The following SRR variants were observed in gnomAD, a reference collection of about 807,000 sequenced individuals.
SRR encodes D-serine ammonia-lyase.
A neutral mutation model predicts 32.7 loss-of-function variants in SRR; 19 were observed. The ratio of observed to expected loss-of-function variants is 0.58; its 90% confidence interval spans 0.40 to 0.85. The LOEUF (loss-of-function observed/expected upper bound fraction) is 0.85, where lower values mean the gene tolerates loss of function less well. Among genes scored for constraint, SRR ranks in the 40% least tolerant of loss-of-function variants. The pLI, the probability that SRR is intolerant of heterozygous loss-of-function variation, is 0.00. For synonymous variants in SRR, 142 were observed against 140.9 expected, an observed-to-expected ratio of 1.01 and a Z score of -0.06; for missense variants, 373 against 404.7, an observed-to-expected ratio of 0.92 and a Z score of 0.67.
intron 3 of SRR, among the ~76,000 whole-genome samples, chr17:2,318,619 A>ATTTT (rs35847724): frequency 2.4e-4 from 22 of 92,508 alleles, no homozygotes; most frequent in African/African-American, 4.7e-4. Flanking sequence ...ATGCCTGGCT[A>ATTTT]TTTTTTTTTT....
At chr17:2,322,678 T>G (rs28572614) in intron 6 of SRR, 1,485 of 22,620 alleles carry the variant, frequency 0.066, 30 homozygotes, top group Middle Eastern at 0.17. Context: ...TTTTTTTTTG[T>G]TTTTTTTTTT....
chr17:2,319,674 G>A (rs191110290), intron 4 of SRR, among the ~76,000 whole-genome samples: 10 of 152,146 alleles, frequency 6.6e-5, no homozygotes, highest in Admixed American at 2.0e-4. Flanking sequence ...TGTGTCTACC[G>A]TTAGCACTCT....
intron 3 of SRR, among the ~76,000 whole-genome samples, chr17:2,318,558 G>A (rs1013549896): frequency 6.9e-6 from 1 of 145,784 alleles, no homozygotes; most frequent in Non-Finnish European, 1.5e-5. Context: ...TCCACCTCCC[G>A]GGTTCACACC....
intron 3 of SRR, among the ~76,000 whole-genome samples, chr17:2,318,207 C>A (rs146394014): frequency 6.6e-6 from 1 of 152,120 alleles, no homozygotes; most frequent in Admixed American, 6.6e-5. Context: ...AGCGGTGACG[C>A]GATCTCGGCT....
At chr17:2,307,484 T>C in intron 1 of SRR, 1 of 1,435,612 alleles carries the variant, frequency 7.0e-7, no homozygotes, top group Non-Finnish European at 9.7e-7. Context: ...GCAGTGGGGA[T>C]GGCTATAATG....
chr17:2,317,352 A>G (rs2075483644), intron 2 of SRR, among the ~76,000 whole-genome samples: 1 of 151,756 alleles, frequency 6.6e-6, no homozygotes, highest in Non-Finnish European at 1.5e-5. Context: ...GCTACTAAAA[A>G]TACAAAAAAA....
intron 1 of SRR, among the ~76,000 whole-genome samples, chr17:2,306,221 CAGG>C (rs1188650438): frequency 6.6e-6 from 1 of 151,560 alleles, no homozygotes; most frequent in Non-Finnish European, 1.5e-5. Context: ...GACGCTCAGG[CAGG>C]AGAACTGCTT....
chr17:2,307,482 GA>G, intron 1 of SRR: 6 of 1,440,780 alleles, frequency 4.2e-6, no homozygotes, highest in Non-Finnish European at 5.8e-6. Context: ...GTGCAGTGGG[GA>G]TGGCTATAAT....
rs968735364 is a variant in SRR at position 2,307,376 on chromosome 17, G to T, written c.-5+3359G>T. ...ACTTCTGGAAACTTTGGTGGTGGTC[G>T]TGGAGGTGGTTTCGGTAGGAATGAC... On this transcript the variant is annotated intron_variant, in intron 1 of 7. Coordinates refer to ENST00000344595, the MANE Select transcript of SRR (RefSeq NM_021947.3). 3.7e-6 allele frequency: 4 copies of T among 1,083,342 alleles called. No homozygotes were observed. The Admixed American group carries it at 5.1e-5, about 14-fold the overall frequency. 67.1% of individuals were successfully genotyped at this position (1,083,342 alleles called of 1,614,324 possible).
intron 2 of SRR, among the ~76,000 whole-genome samples, chr17:2,316,661 GA>G (rs2075475082): frequency 1.3e-5 from 2 of 152,152 alleles, no homozygotes; most frequent in Admixed American, 6.5e-5. Context: ...TGGATCACCT[GA>G]GGTCAGGAGT....
intron 1 of SRR, among the ~76,000 whole-genome samples, chr17:2,313,927 A>G (rs904577237): frequency 6.6e-6 from 1 of 152,126 alleles, no homozygotes; most frequent in African/African-American, 2.4e-5. Context: ...GGCTATTTTC[A>G]TGTTCTTTTT....
At position 2,317,955 on chromosome 17, in the gene SRR, G is replaced by T. The variant is rs1428419950; in HGVS notation, c.254G>T (p.Gly85Val). The change falls in exon 3 of 8, where the codon GGA becomes GTA. Residue 85 changes from glycine to valine, a missense_variant. By Grantham distance (109) the Gly-to-Val change is moderately radical. Coordinates refer to ENST00000344595, the MANE Select transcript of SRR (RefSeq NM_021947.3). The stretch of plus-strand genomic sequence containing the variant: ...AAAGCTGTTGTTACTCACAGCAGTG[G>T]AAACCATGGCCAGGCTCTCACCTAT... ...KPKAVVTHSS[G>V]NHGQALTYAA... 6.2e-7 allele frequency: 1 copy of T among 1,614,014 alleles called. No individual in the cohort carries two copies. Among genetic ancestry groups the T allele is most frequent in the Non-Finnish European group, 8.5e-7 (1 of 1,179,956 alleles).
intron 1 of SRR, among the ~76,000 whole-genome samples, chr17:2,308,493 T>G (rs2075409836): frequency 6.6e-6 from 1 of 152,234 alleles, no homozygotes; most frequent in South Asian, 2.1e-4. Context: ...AAATACTTAT[T>G]TCTTCTCCTG....
intron 2 of SRR, among the ~76,000 whole-genome samples, chr17:2,317,202 C>A (rs1370809529): frequency 2.4e-5 from 2 of 82,462 alleles, no homozygotes; most frequent in Non-Finnish European, 4.5e-5. Flanking sequence ...GACTCCATCT[C>A]GGGGGAAAAA....
rs1206479150 is a variant in SRR, at chr17:2,318,883, T to C, written c.353T>C (p.Ile118Thr). 1 of 1,613,886 alleles carries C rather than the reference T, an allele frequency of 6.2e-7. No individual in the cohort carries two copies. Among genetic ancestry groups the C allele is most frequent in the Admixed American group, 1.7e-5 (1 of 59,968 alleles). Residue 118 changes from isoleucine to threonine, a missense_variant, in exon 4 of 8, where the codon ATA (isoleucine) becomes ACA (threonine). Coordinates refer to ENST00000344595, the MANE Select transcript of SRR (RefSeq NM_021947.3). ...QTAPDCKKLAIQAYGASIVYC... is the reference protein window; with the variant it reads ...QTAPDCKKLATQAYGASIVYC... The stretch of plus-strand genomic sequence containing the variant: ...GCTCCAGACTGTAAAAAACTTGCAA[T>C]ACAAGCCTACGGAGCGTCAATTGTA...
intron 3 of SRR, among the ~76,000 whole-genome samples, chr17:2,318,583 G>A (rs1394344841): frequency 6.8e-6 from 1 of 146,380 alleles, no homozygotes; most frequent in African/African-American, 2.5e-5. Context: ...TCCTGCCTCA[G>A]CCTGGGACTA....
chr17:2,317,969 G>A lies in SRR; in HGVS notation c.268G>A (p.Ala90Thr), dbSNP rs370382172. The A allele has an allele frequency of 6.2e-7, 1 of 1,613,790 alleles. No individual in the cohort carries two copies. Among genetic ancestry groups the A allele is most frequent in the East Asian group, 2.2e-5 (1 of 44,862 alleles). ...VTHSSGNHGQ[A>T]LTYAAKLEGI... Reference sequence around the variant, plus strand: ...TCACAGCAGTGGAAACCATGGCCAGGCTCTCACCTATGCTGCCAAATTGGA... The same window carrying A: ...TCACAGCAGTGGAAACCATGGCCAGACTCTCACCTATGCTGCCAAATTGGA... The change falls in exon 3 of 8, where the codon GCT (alanine) becomes ACT (threonine). Residue 90 changes from alanine to threonine, a missense_variant. Ala to Thr is a moderately conservative substitution (Grantham distance 58). Coordinates refer to ENST00000344595, the MANE Select transcript of SRR (RefSeq NM_021947.3).
intron 1 of SRR, among the ~76,000 whole-genome samples, chr17:2,304,289 A>G (rs940896083): frequency 0.016 from 62 of 3,778 alleles, no homozygotes; most frequent in African/African-American, 0.057. Flanking sequence ...TCTGTTGGAG[A>G]CTCCCGGGCT....
chr17:2,318,873 A>C lies in SRR; in HGVS notation c.343A>C (p.Lys115Gln), dbSNP rs762244797. The part of the protein sequence containing the change: ...VVPQTAPDCK[K>Q]LAIQAYGASI... The stretch of plus-strand genomic sequence containing the variant: ...GCCCCAGACAGCTCCAGACTGTAAA[A>C]AACTTGCAATACAAGCCTACGGAGC... The change falls in exon 4 of 8, where the codon AAA becomes CAA. Residue 115 changes from lysine (K) to glutamine (Q), a missense_variant. Coordinates refer to ENST00000344595, the MANE Select transcript of SRR (RefSeq NM_021947.3). 3 of 1,613,908 alleles carry C rather than the reference A, an allele frequency of 1.9e-6. No individual in the cohort carries two copies. The highest frequency in any genetic ancestry group is 2.2e-5 in the South Asian group (2 of 91,074).
Sources: gnomAD v4.1 joint callset for allele counts (sites outside exome capture counted in the v4.1 genomes callset) on GRCh38, gnomAD v4.1.1 for gene constraint, MANE v1.5 for transcripts, NCBI Gene and HGNC (gene_info 2026-07-23, HGNC 2026-07-21) for gene names.